Variants in TRAFD1 observed in about 807,000 individuals in gnomAD.
TRAFD1 encodes the protein TRAF-type zinc finger domain-containing protein 1.
Under a neutral mutation model 65.3 loss-of-function variants are expected in TRAFD1, and 38 were observed. The observed-to-expected ratio is 0.58, with a 90% confidence interval of 0.45 to 0.76. The LOEUF (loss-of-function observed/expected upper bound fraction) is 0.76. Ranked by LOEUF, TRAFD1 falls within the 30% of genes least tolerant of loss-of-function variation. The pLI, the probability that TRAFD1 is intolerant of heterozygous loss-of-function variation, is 0.00. For synonymous variants in TRAFD1, 223 were observed against 257.2 expected, an observed-to-expected ratio of 0.87 and a Z score of 1.27; for missense variants, 631 against 712.6, an observed-to-expected ratio of 0.89 and a Z score of 1.30.
intron 7 of TRAFD1, among the ~76,000 whole-genome samples, chr12:112,146,257 T>C (rs1593871272): frequency 7.7e-6 from 1 of 130,548 alleles, no homozygotes; most frequent in East Asian, 2.3e-4. Flanking sequence ...GTGATGGCAG[T>C]GATGTATGCC....
intron 9 of TRAFD1, among the ~76,000 whole-genome samples, chr12:112,150,404 TAC>T (rs1414957741): frequency 6.6e-6 from 1 of 151,750 alleles, no homozygotes; most frequent in Non-Finnish European, 1.5e-5. Flanking sequence ...CACACTCTAC[TAC>T]ACCCAACTAA....
rs983339798 is a variant in TRAFD1 at position 112,137,083 on chromosome 12, C to T, written c.237+2017C>T. ...ACTAAAAATACAAAAATTAGCTGGG[C>T]GTGGATACGCACGTCTGAAATCCCA... On this transcript the variant is annotated intron_variant, in intron 4 of 11. Coordinates refer to ENST00000412615, the MANE Select transcript of TRAFD1 (RefSeq NM_006700.3). This position sits in a 1 kb window ranked among gnomAD's most constrained non-coding sequence, Gnocchi z 4.2. 6.6e-6 allele frequency among the ~76,000 whole-genome samples: 1 copy of T among 152,026 alleles called. No homozygotes were observed. The highest frequency in any genetic ancestry group is 1.9e-4 in the East Asian group (1 of 5,170).
intron 9 of TRAFD1, 32 bp downstream of exon 9, chr12:112,149,903 C>A (rs943859821): frequency 1.9e-6 from 3 of 1,612,596 alleles, no homozygotes; most frequent in Non-Finnish European, 2.5e-6. Flanking sequence ...GCCAAGGCCG[C>A]AGGTCTACTG....
In TRAFD1 at chr12:112,148,224, C is replaced by T. The variant is rs771256947; in HGVS notation, c.1078C>T (p.His360Tyr). 2 of 1,614,182 alleles carry T rather than the reference C, an allele frequency of 1.2e-6. No homozygotes were observed. Among genetic ancestry groups the T allele is most frequent in the South Asian group, 1.1e-5 (1 of 91,084 alleles). ...LDSLMGLSNS[H>Y]PVEESIIIPC... The stretch of plus-strand genomic sequence containing the variant: ...CTCTTTGATGGGCCTGAGCAATTCA[C>T]ACCCTGTGGAGGAGAGCATCATTAT... Residue 360 changes from histidine to tyrosine, a missense_variant, in exon 8 of 12, where the codon CAC becomes TAC. By Grantham distance (83) the His-to-Tyr change is moderately conservative. Coordinates refer to ENST00000412615, the MANE Select transcript of TRAFD1 (RefSeq NM_006700.3).
Position 112,149,998 on chromosome 12 carries a change from C to A in TRAFD1, c.1279+127C>A, listed in dbSNP as rs887759722. ...CTCAAATTTCCAAACACACTAGGGT[C>A]TCATAGGGGACTCCTCTGCAGGTAG... On this transcript the variant is annotated intron_variant, in intron 9 of 11. Coordinates refer to ENST00000412615, the MANE Select transcript of TRAFD1 (RefSeq NM_006700.3). The A allele has an allele frequency of 3.8e-6, 5 of 1,332,630 alleles. No individual in the cohort carries two copies. In the African/African-American group the frequency reaches 7.3e-5, roughly 20 times the overall value. The allele number at this position is 1,332,630 out of a possible 1,614,324, so 82.6% of individuals were successfully genotyped here.
intron 9 of TRAFD1, among the ~76,000 whole-genome samples, chr12:112,151,531 C>T (rs2030404906): frequency 6.6e-6 from 1 of 151,702 alleles, no homozygotes; most frequent in Non-Finnish European, 1.5e-5. Flanking sequence ...GTAGCTGAGA[C>T]TATAGCTGTG....
chr12:112,131,474 A>G (rs1284932469), intron 2 of TRAFD1, among the ~76,000 whole-genome samples: 1 of 152,234 alleles, frequency 6.6e-6, no homozygotes, highest in Non-Finnish European at 1.5e-5. Flanking sequence ...AAATTAAAGA[A>G]AAAAGCAGAT....
At chr12:112,127,791 G>T (rs938623362) in intron 1 of TRAFD1, among the ~76,000 whole-genome samples, 8 of 151,792 alleles carry the variant, frequency 5.3e-5, no homozygotes, top group Non-Finnish European at 8.8e-5. Context: ...AGGCAGGATG[G>T]TCTCGATCTC....
In TRAFD1 at chr12:112,152,704, A is replaced by G; in HGVS notation, c.1693-31A>G. 1.2e-6 allele frequency: 2 copies of G among 1,614,030 alleles called. No homozygotes were observed. Reference sequence around the variant, plus strand: ...AGTAATGCTTTTTCACTTTTTATGTAAAGCTTCGTTTGTGTTGTGTTGTTC... The same window carrying G: ...AGTAATGCTTTTTCACTTTTTATGTGAAGCTTCGTTTGTGTTGTGTTGTTC... On this transcript the variant is annotated intron_variant, in intron 11 of 11. Transcript: ENST00000412615. The surrounding 1 kb of genome is among the most constrained non-coding windows in gnomAD (Gnocchi z 5.0).
chr12:112,133,216 A>G (rs1049973980), intron 2 of TRAFD1: 4 of 152,194 alleles, frequency 2.6e-5, no homozygotes, highest in African/African-American at 9.6e-5. Flanking sequence ...TGGTGGAGGA[A>G]AGGGTTCAGG....
intron 7 of TRAFD1, 67 bp downstream of exon 7, chr12:112,145,729 C>G: frequency 7.1e-7 from 1 of 1,398,834 alleles, no homozygotes; most frequent in Non-Finnish European, 1.0e-6. Context: ...TGTTGCAGGC[C>G]ACATGAGGCC....
intron 4 of TRAFD1, among the ~76,000 whole-genome samples, chr12:112,136,550 T>C (rs2029916611): frequency 6.6e-6 from 1 of 152,120 alleles, no homozygotes; most frequent in African/African-American, 2.4e-5. Flanking sequence ...CTCAAGGTGC[T>C]AGGATTAAAG....
At chr12:112,150,964 G>T (rs1198216345) in intron 9 of TRAFD1, among the ~76,000 whole-genome samples, 1 of 152,156 alleles carries the variant, frequency 6.6e-6, no homozygotes, top group Middle Eastern at 3.4e-3. Context: ...TTTTGGCTGG[G>T]CATGGTGACT....
At chr12:112,149,545 T>G in intron 8 of TRAFD1, 1 of 547,432 alleles carries the variant, frequency 1.8e-6, no homozygotes, top group South Asian at 2.5e-5. Flanking sequence ...CCTGCACAAA[T>G]CAGAAAGTGT....
chr12:112,151,963 C>T lies in TRAFD1; in HGVS notation c.1442C>T (p.Pro481Leu). ...GPRPGCQPSS[P>L]CVPKLSNSDS... The stretch of plus-strand genomic sequence containing the variant: ...AGACCTGGGTGCCAGCCCAGCTCTC[C>T]TTGTGTGCCGAAGCTCAGCAACTCA... Residue 481 changes from proline to leucine, a missense_variant, in exon 10 of 12, where the codon CCT (proline) becomes CTT (leucine). Coordinates refer to ENST00000412615, the MANE Select transcript of TRAFD1 (RefSeq NM_006700.3). The T allele has an allele frequency of 1.2e-6, 2 of 1,614,228 alleles. No homozygotes were observed. The highest frequency in any genetic ancestry group is 1.7e-6 in the Non-Finnish European group (2 of 1,180,044).
At position 112,148,378 on chromosome 12, in the gene TRAFD1, C is replaced by T. The variant is rs1593872717; in HGVS notation, c.1158+74C>T. 6 of 1,315,560 alleles carry T rather than the reference C, an allele frequency of 4.6e-6. No homozygotes were observed. The East Asian group carries it at 1.4e-4, about 30-fold the overall frequency. The allele number at this position is 1,315,560 out of a possible 1,614,324, so 81.5% of individuals were successfully genotyped here. A position where few individuals can be genotyped will look rare whatever the true frequency, so the allele number is the denominator to read the frequency against. On this transcript the variant is annotated intron_variant, in intron 8 of 11. Coordinates refer to ENST00000412615, the MANE Select transcript of TRAFD1 (RefSeq NM_006700.3). Reference sequence around the variant, plus strand: ...AGGCTTCCAGAGCTGAGAACACTTCCTTAGCCTTTAAGTTGCATTCCATCC... The same window carrying T: ...AGGCTTCCAGAGCTGAGAACACTTCTTTAGCCTTTAAGTTGCATTCCATCC...
chr12:112,149,297 G>C (rs2136981660), intron 8 of TRAFD1: 1 of 157,456 alleles, frequency 6.4e-6, no homozygotes, highest in East Asian at 1.9e-4. Flanking sequence ...TTACCCTCTA[G>C]GGCAGACTGA....
chr12:112,146,578 C>T (rs1475326649), intron 7 of TRAFD1, among the ~76,000 whole-genome samples: 1 of 152,196 alleles, frequency 6.6e-6, no homozygotes, highest in Admixed American at 6.5e-5. Flanking sequence ...CTGCACATTA[C>T]TTTATCTACC....
intron 2 of TRAFD1, among the ~76,000 whole-genome samples, chr12:112,131,382 A>C (rs1395613085): frequency 6.6e-6 from 1 of 152,244 alleles, no homozygotes; most frequent in Non-Finnish European, 1.5e-5. Context: ...AGCCTAGGAC[A>C]AAATATAAAT....
Sources: gnomAD v4.1 joint callset for allele counts (sites outside exome capture counted in the v4.1 genomes callset) on GRCh38, gnomAD v4.1.1 for gene constraint, Gnocchi (gnomAD v3.1) non-coding constraint, MANE v1.5 for transcripts, NCBI Gene and HGNC (gene_info 2026-07-23, HGNC 2026-07-21) for gene names.